The following LRRC7 variants were observed in gnomAD, a reference collection of about 807,000 sequenced individuals.
The protein encoded by LRRC7 is leucine rich repeat containing 7, also known as leucine-rich repeat-containing protein 7.
LRRC7 carries 23 observed loss-of-function variants against 175.7 expected under a neutral mutation model. That is an observed-to-expected ratio of 0.13 (90% CI 0.09 to 0.19). The LOEUF (loss-of-function observed/expected upper bound fraction) is 0.19. Ranked by LOEUF, LRRC7 falls within the 10% of genes least tolerant of loss-of-function variation. LRRC7 has a pLI of 1.00. For missense variants in LRRC7, 1,354 were observed against 1,904.7 expected (o/e 0.71, Z 5.38); for synonymous variants, 685 against 680.9 (o/e 1.01, Z -0.09).
At chr1:70,106,081 A>G (rs1361586420) in intron 25 of LRRC7, among the ~76,000 whole-genome samples, 2 of 152,188 alleles carry the variant, frequency 1.3e-5, no homozygotes, top group East Asian at 3.8e-4. Flanking sequence ...GCTTTTCTAA[A>G]TAACAAGCAA....
intron 1 of LRRC7, among the ~76,000 whole-genome samples, chr1:69,663,886 TA>T (rs1269270596): frequency 1.3e-5 from 2 of 148,278 alleles, no homozygotes; most frequent in Non-Finnish European, 3.0e-5. Flanking sequence ...CGCGCCCGGC[TA>T]ATTTTTTGTA....
chr1:69,959,190 C>T (rs1345245478), intron 8 of LRRC7, among the ~76,000 whole-genome samples: 1 of 152,040 alleles, frequency 6.6e-6, no homozygotes, highest in Non-Finnish European at 1.5e-5. Context: ...AACAAATCTT[C>T]GGGCATTTGC....
intron 1 of LRRC7, among the ~76,000 whole-genome samples, chr1:69,631,548 C>T (rs1652498940): frequency 6.6e-6 from 1 of 151,968 alleles, no homozygotes; most frequent in South Asian, 2.1e-4. Flanking sequence ...TGGCCAGGGC[C>T]CCAGGGAGGC....
At chr1:70,078,534 T>A (rs968711919) in intron 24 of LRRC7, among the ~76,000 whole-genome samples, 2 of 152,196 alleles carry the variant, frequency 1.3e-5, no homozygotes, top group Admixed American at 1.3e-4. Flanking sequence ...ACTACTACCC[T>A]GATTTCTTTC....
intron 25 of LRRC7, among the ~76,000 whole-genome samples, chr1:70,096,623 C>CT (rs1304313330): frequency 4.2e-4 from 64 of 152,060 alleles, no homozygotes; most frequent in African/African-American, 1.4e-3. Context: ...TCCCTTTGTC[C>CT]TCTCTGTCAA....
intron 23 of LRRC7, among the ~76,000 whole-genome samples, chr1:70,064,310 T>G (rs958078682): frequency 1.3e-5 from 2 of 151,908 alleles, no homozygotes; most frequent in African/African-American, 4.8e-5. Flanking sequence ...GTTGTTATAA[T>G]CAGAAAAAGA....
intron 4 of LRRC7, among the ~76,000 whole-genome samples, chr1:69,800,996 T>C (rs1373303554): frequency 1.3e-5 from 2 of 151,960 alleles, no homozygotes; most frequent in Admixed American, 1.3e-4. Context: ...GATGATCATA[T>C]GGTTTTTGTT....
At position 70,036,112 on chromosome 1, in the gene LRRC7, A is replaced by G; in HGVS notation, c.1996-9A>G. 4 of 1,595,660 alleles carry G rather than the reference A, an allele frequency of 2.5e-6. No homozygotes were observed. The highest frequency in any genetic ancestry group is 1.3e-5 in the African/African-American group (1 of 74,258). ...TACTTTCCTTGTCCTGTATTATTAT[A>G]TCTCTCAGGATTCTTTTGTTCATCC... On this transcript the variant is annotated splice_polypyrimidine_tract_variant and intron_variant, in intron 18 of 26. Coordinates refer to ENST00000651989, the MANE Select transcript of LRRC7 (RefSeq NM_001370785.2).
chr1:69,811,967 G>T (rs1381653634), intron 4 of LRRC7, among the ~76,000 whole-genome samples: 3 of 152,008 alleles, frequency 2.0e-5, no homozygotes, highest in Non-Finnish European at 4.4e-5. Flanking sequence ...TAAGTTTCCA[G>T]TGCTTCGCCT....
intron 1 of LRRC7, among the ~76,000 whole-genome samples, chr1:69,634,510 T>C (rs1452530363): frequency 3.9e-5 from 6 of 152,158 alleles, no homozygotes; most frequent in Non-Finnish European, 8.8e-5. Flanking sequence ...AAAATACTTC[T>C]TGGTTCTGGA....
At chr1:70,064,222 G>A (rs1194663245) in intron 23 of LRRC7, among the ~76,000 whole-genome samples, 1 of 151,952 alleles carries the variant, frequency 6.6e-6, no homozygotes, top group Non-Finnish European at 1.5e-5. Flanking sequence ...TTCTGACACT[G>A]AAATGGGAGA....
chr1:69,674,948 T>C (rs988029661), intron 1 of LRRC7, among the ~76,000 whole-genome samples: 7 of 152,184 alleles, frequency 4.6e-5, no homozygotes, highest in African/African-American at 1.7e-4. Context: ...GAGCTCTCCA[T>C]TGTGACAGAC....
At chr1:69,591,519 T>C (rs1487522650) in intron 1 of LRRC7, among the ~76,000 whole-genome samples, 1 of 152,026 alleles carries the variant, frequency 6.6e-6, no homozygotes, top group Non-Finnish European at 1.5e-5. Flanking sequence ...CTATAGAAAA[T>C]TGTAGTAAAA....
intron 3 of LRRC7, among the ~76,000 whole-genome samples, chr1:69,782,674 A>G (rs148028039): frequency 1.3e-5 from 2 of 152,324 alleles, no homozygotes; most frequent in African/African-American, 2.4e-5. Flanking sequence ...TGAAAGCCAC[A>G]TTAAGGAATT....
chr1:70,029,249 A>G (rs60482157), intron 18 of LRRC7, among the ~76,000 whole-genome samples: 2 of 152,054 alleles, frequency 1.3e-5, no homozygotes, highest in Non-Finnish European at 2.9e-5. Context: ...CTTAAGACAC[A>G]TGAAACAATT....
At chr1:69,589,256 A>G (rs138909162) in intron 1 of LRRC7, among the ~76,000 whole-genome samples, 16 of 151,892 alleles carry the variant, frequency 1.1e-4, no homozygotes, top group East Asian at 3.9e-4. Context: ...TGAGGTGTCC[A>G]ACCACTGGAT....
chr1:69,917,869 C>T (rs779836926), intron 7 of LRRC7, among the ~76,000 whole-genome samples: 3 of 152,048 alleles, frequency 2.0e-5, no homozygotes, highest in Non-Finnish European at 4.4e-5. Context: ...AATGCTATCT[C>T]GAGCTACAAT....
At chr1:69,578,804 AG>A (rs376335230) in intron 1 of LRRC7, among the ~76,000 whole-genome samples, 9,103 of 74,664 alleles carry the variant, frequency 0.12, 447 homozygotes, top group Middle Eastern at 0.18. Flanking sequence ...GGGTGGGGGG[AG>A]GGGGGAGGGA....
chr1:69,688,721 C>A (rs940852013), intron 2 of LRRC7, among the ~76,000 whole-genome samples: 13 of 151,610 alleles, frequency 8.6e-5, no homozygotes, highest in African/African-American at 3.2e-4. Flanking sequence ...TGTTACATCC[C>A]TATTCATGAT....
Sources: gnomAD v4.1 joint callset for allele counts (sites outside exome capture counted in the v4.1 genomes callset) on GRCh38, gnomAD v4.1.1 for gene constraint, MANE v1.5 for transcripts, NCBI Gene and HGNC (gene_info 2026-07-23, HGNC 2026-07-21) for gene names.